Variants in LZIC observed in about 807,000 individuals in gnomAD.
The protein encoded by LZIC is leucine zipper and CTNNBIP1 domain containing, also known as protein LZIC.
In LZIC, 28 loss-of-function variants were observed where a neutral mutation model predicts 25.4. The ratio of observed to expected loss-of-function variants is 1.10; its 90% CI spans 0.82 to 1.51. The LOEUF (loss-of-function observed/expected upper bound fraction) is 1.51. LZIC is among the 40% of genes most tolerant of loss of function. The pLI is 0.00. For missense variants in LZIC, 170 were observed against 211.1 expected (o/e 0.81, Z 1.21); for synonymous variants, 65 against 70.7 (o/e 0.92, Z 0.40).
At chr1:9,939,806 G>T in intron 2 of LZIC, among the ~76,000 whole-genome samples, 1 of 152,020 alleles carries the variant, frequency 6.6e-6, no homozygotes, top group South Asian at 2.1e-4. Context: ...CAATCAGTAT[G>T]TCAAGTTTCA....
At chr1:9,935,274 C>T (rs1640404100) in intron 4 of LZIC, among the ~76,000 whole-genome samples, 1 of 152,050 alleles carries the variant, frequency 6.6e-6, no homozygotes, top group South Asian at 2.1e-4. Flanking sequence ...ACTAAAAATA[C>T]AAAATTAGCT....
rs1172583639 is a variant in LZIC at position 9,933,306 on chromosome 1, A to ACG, written c.337-409_337-408insCG. On this transcript the variant is annotated intron_variant, in intron 5 of 7. Coordinates refer to ENST00000377223, the MANE Select transcript of LZIC (RefSeq NM_032368.5). ...AAAATATATATATATATATATACACATACATATAGCTTTTCAGACGTACTT... is the reference window on the plus strand; with the variant it reads ...AAAATATATATATATATATATACACACGTACATATAGCTTTTCAGACGTACTT... 6.2e-3 allele frequency among the ~76,000 whole-genome samples: 843 copies of ACG among 134,984 alleles called. 9 individuals carry two copies. The highest frequency in any genetic ancestry group is 0.01 in the Non-Finnish European group (669 of 65,046). The allele number at this position is 134,984 out of a possible 152,430, so 88.6% of individuals were successfully genotyped here. A position where few individuals can be genotyped will look rare whatever the true frequency, so the allele number is the denominator to read the frequency against.
chr1:9,935,027 C>T (rs770586837), intron 4 of LZIC, among the ~76,000 whole-genome samples, 167 bp from the exon 5 acceptor site: 1 of 151,954 alleles, frequency 6.6e-6, no homozygotes, highest in Non-Finnish European at 1.5e-5. Flanking sequence ...TATGCATAAA[C>T]AGACACTCAT....
At chr1:9,925,038 G>A (rs542171750), downstream of LZIC, among the ~76,000 whole-genome samples, 124 of 151,964 alleles carry the variant, frequency 8.2e-4, no homozygotes, top group Middle Eastern at 3.4e-3. Flanking sequence ...ACCACCGGGC[G>A]CAGTGGCTCA....
intron 7 of LZIC, among the ~76,000 whole-genome samples, chr1:9,931,116 G>C (rs183536987): frequency 2.8e-3 from 419 of 152,182 alleles, no homozygotes; most frequent in Middle Eastern, 6.8e-3. Flanking sequence ...ACCCAGGCTG[G>C]AGTACAATGG....
Position 9,926,803 on chromosome 1 carries a change from A to G in LZIC, c.*3596T>C, listed in dbSNP as rs763394643. Among the ~76,000 whole-genome samples the G allele has an allele frequency of 1.6e-4, 24 of 152,268 alleles. No individual in the cohort carries two copies. The highest frequency in any genetic ancestry group is 6.5e-4 in the Admixed American group (10 of 15,280). ...ATTGCTGCCTATAATCTCCAAAGAT[A>G]TCTGAACACCTAGAAGATTAAATGT... On this transcript the variant is annotated 3_prime_UTR_variant, in exon 8 of 8. Coordinates refer to ENST00000377223, the MANE Select transcript of LZIC (RefSeq NM_032368.5).
intron 5 of LZIC, among the ~76,000 whole-genome samples, 198 bp from the exon 6 acceptor site, chr1:9,933,096 T>C (rs1237263459): frequency 1.3e-5 from 2 of 150,616 alleles, no homozygotes; most frequent in Non-Finnish European, 3.0e-5. Context: ...CTACTAAAAA[T>C]ACAAAAAAAG....
chr1:9,940,333 C>A (rs946614614), intron 2 of LZIC, among the ~76,000 whole-genome samples: 1 of 152,008 alleles, frequency 6.6e-6, no homozygotes, highest in Non-Finnish European at 1.5e-5. Context: ...CCCGCCACCA[C>A]GCCCAGCTTA....
rs1640015138 is a variant in LZIC, at chr1:9,927,304, G to C, written c.*3095C>G. On this transcript the variant is annotated 3_prime_UTR_variant, in exon 8 of 8. Coordinates refer to ENST00000377223, the MANE Select transcript of LZIC (RefSeq NM_032368.5). Reference sequence around the variant, plus strand: ...CCAAGATTAAGGATTCCAGATTCAGGTAACTCTCTTTATCTTTTTTTTAGA... The same window carrying C: ...CCAAGATTAAGGATTCCAGATTCAGCTAACTCTCTTTATCTTTTTTTTAGA... 6.6e-6 allele frequency among the ~76,000 whole-genome samples: 1 copy of C among 152,088 alleles called. No individual in the cohort carries two copies. The highest frequency in any genetic ancestry group is 6.6e-5 in the Admixed American group (1 of 15,266).
At chr1:9,941,156 AG>A (rs1358287579) in intron 2 of LZIC, among the ~76,000 whole-genome samples, 1 of 151,226 alleles carries the variant, frequency 6.6e-6, no homozygotes, top group Non-Finnish European at 1.5e-5. Flanking sequence ...TTATTTAAGT[AG>A]GGATTTTACC....
chr1:9,942,555 C>G (rs140072066), intron 2 of LZIC, 69 bp downstream of exon 2: 1 of 747,074 alleles, frequency 1.3e-6, no homozygotes, highest in Admixed American at 3.2e-5. Context: ...GCACTTTTCA[C>G]TTTTACGAAA....
intron 2 of LZIC, among the ~76,000 whole-genome samples, chr1:9,940,918 G>A (rs1217506613): frequency 3.3e-5 from 5 of 152,148 alleles, no homozygotes; most frequent in African/African-American, 1.2e-4. Context: ...GAATTTTCCA[G>A]TAAAAGTCAA....
chr1:9,930,259 G>C lies in LZIC; in HGVS notation c.*140C>G, dbSNP rs1004241212. The C allele has an allele frequency of 5.2e-6, 8 of 1,526,370 alleles. No individual in the cohort carries two copies. In the African/African-American group the frequency reaches 7.0e-5, roughly 13 times the overall value. The allele number at this position is 1,526,370 out of a possible 1,614,324, so 94.6% of individuals were successfully genotyped here. ...TGAAGAGCATAAACACAAGCCATAA[G>C]TATATTTTTATGTCGCTTTTTCTTA... On this transcript the variant is annotated 3_prime_UTR_variant, in exon 8 of 8. Coordinates refer to ENST00000377223, the MANE Select transcript of LZIC (RefSeq NM_032368.5).
intron 2 of LZIC, among the ~76,000 whole-genome samples, chr1:9,938,381 C>G (rs2101606207): frequency 6.6e-6 from 1 of 152,216 alleles, no homozygotes; most frequent in Non-Finnish European, 1.5e-5. Flanking sequence ...CCAAGCTGGT[C>G]TTGAACTGGG....
chr1:9,942,717 G>A lies in LZIC; in HGVS notation c.-102C>T, dbSNP rs866152787. On this transcript the variant is annotated 5_prime_UTR_variant, in exon 2 of 8. Coordinates refer to ENST00000377223, the MANE Select transcript of LZIC (RefSeq NM_032368.5). The stretch of plus-strand genomic sequence containing the variant: ...GACGTTCCGAGTGTCATAAACTTGA[G>A]GAAAATGAAATTATTCATCAGGACT... The A allele has an allele frequency of 5.4e-6, 7 of 1,288,632 alleles. No individual in the cohort carries two copies. The highest frequency in any genetic ancestry group is 1.2e-5 in the South Asian group (1 of 81,014). The allele number at this position is 1,288,632 out of a possible 1,614,324, so 79.8% of individuals were successfully genotyped here. A position where few individuals can be genotyped will look rare whatever the true frequency, so the allele number is the denominator to read the frequency against.
chr1:9,924,687 C>T (rs568966723), downstream of LZIC, among the ~76,000 whole-genome samples: 13 of 152,060 alleles, frequency 8.5e-5, no homozygotes, highest in South Asian at 1.5e-3. Context: ...GATGGCATTC[C>T]GCCACATTGC....
At chr1:9,932,435 C>G (rs1570634316) in intron 6 of LZIC, among the ~76,000 whole-genome samples, 2 of 151,082 alleles carry the variant, frequency 1.3e-5, no homozygotes, top group South Asian at 4.2e-4. Context: ...GTAATCCCAA[C>G]ACTTTGGGAG....
chr1:9,926,978 G>C lies in LZIC; in HGVS notation c.*3421C>G, dbSNP rs1640005586. ...TGGTGCTTAGAATGGTTGTTAAATG[G>C]TGAGTTAGTTTTCCAAGTAAAAACT... On this transcript the variant is annotated 3_prime_UTR_variant, in exon 8 of 8. Coordinates refer to ENST00000377223, the MANE Select transcript of LZIC (RefSeq NM_032368.5). 6.6e-6 allele frequency among the ~76,000 whole-genome samples: 1 copy of C among 152,170 alleles called. No individual in the cohort carries two copies. The highest frequency in any genetic ancestry group is 2.4e-5 in the African/African-American group (1 of 41,434).
chr1:9,928,050 G>A lies in LZIC; in HGVS notation c.*2349C>T, dbSNP rs889209246. On this transcript the variant is annotated 3_prime_UTR_variant, in exon 8 of 8. Transcript: ENST00000377223. ...GCTCAGGCCGGGTATGGTGGCTCATGCCTGTAATCATCCCAGCACTCTGGG... is the reference window on the plus strand; with the variant it reads ...GCTCAGGCCGGGTATGGTGGCTCATACCTGTAATCATCCCAGCACTCTGGG... Among the ~76,000 whole-genome samples the A allele has an allele frequency of 6.6e-6, 1 of 152,128 alleles. No individual in the cohort carries two copies. Among genetic ancestry groups the A allele is most frequent in the Non-Finnish European group, 1.5e-5 (1 of 68,020 alleles).
Sources: allele counts gnomAD v4.1 joint callset (sites outside exome capture counted in the v4.1 genomes callset), GRCh38; gene constraint gnomAD v4.1.1; transcripts MANE v1.5; gene names NCBI Gene and HGNC (gene_info 2026-07-23, HGNC 2026-07-21).